MXRA5: variants seen among roughly 807,000 people sequenced by gnomAD.
The protein encoded by MXRA5 is matrix remodeling associated 5.
MXRA5 carries 41 observed loss-of-function variants against 112.5 expected under a neutral mutation model. The ratio of observed to expected loss-of-function variants is 0.36; its 90% CI spans 0.28 to 0.47. The LOEUF (loss-of-function observed/expected upper bound fraction) is 0.47, where lower values mean the gene tolerates loss of function less well. Ranked by LOEUF, MXRA5 falls within the 20% of genes least tolerant of loss-of-function variation. MXRA5 has a pLI of 0.99. For missense variants in MXRA5, 2,150 were observed against 2,251.0 expected (o/e 0.96, Z 0.91); for synonymous variants, 862 against 900.8 (o/e 0.96, Z 0.77).
At chrX:3,334,933 C>T (rs139344342) in intron 2 of MXRA5, among the ~76,000 whole-genome samples, 1,765 of 111,299 alleles carry the variant, frequency 0.016, 41 homozygotes, top group African/African-American at 0.055. Context: ...TATTGATAGC[C>T]TCTCCCGCCT....
At chrX:3,337,378 C>T (rs780452249) in intron 2 of MXRA5, among the ~76,000 whole-genome samples, 1 of 111,818 alleles carries the variant, frequency 8.9e-6, no homozygotes, top group Non-Finnish European at 1.9e-5. Context: ...ACGATGGCCC[C>T]TACAACCCAC....
At chrX:3,325,988 AT>A (rs1161069170) in intron 4 of MXRA5, among the ~76,000 whole-genome samples, 37 of 66,816 alleles carry the variant, frequency 5.5e-4, no homozygotes, top group Admixed American at 2.4e-3. Context: ...ATAATATATA[AT>A]TTATATATTA....
intron 2 of MXRA5, among the ~76,000 whole-genome samples, chrX:3,338,173 T>C (rs1433789877): frequency 9.0e-6 from 1 of 111,199 alleles, no homozygotes; most frequent in Non-Finnish European, 1.9e-5. Flanking sequence ...TGAGGCTCTG[T>C]CTCTGAAATG....
In MXRA5 at chrX:3,322,444, T is replaced by C. The variant is rs777409182; in HGVS notation, c.3241A>G (p.Arg1081Gly). ...TCTTGGCCCTCACTCTCAGAACTTC[T>C]GGAGTGTGTGGGGTCTCCCTCTAGC... ...NMLEGDPTHS[R>G]SSESEGQESK... is the part of the protein sequence containing the mutation. Residue 1081 changes from arginine to glycine, a missense_variant, in exon 5 of 7, where the codon AGA becomes GGA. Coordinates refer to ENST00000217939, the MANE Select transcript of MXRA5 (RefSeq NM_015419.4). The C allele has an allele frequency of 2.5e-6, 3 of 1,211,588 alleles. No individual in the cohort carries two copies. Among genetic ancestry groups the C allele is most frequent in the Non-Finnish European group, 3.4e-6 (3 of 895,361 alleles).
chrX:3,321,293 A>T lies in MXRA5; in HGVS notation c.4392T>A (p.His1464Gln). The change falls in exon 5 of 7, where the codon CAT becomes CAA. Residue 1464 changes from histidine to glutamine, a missense_variant. Transcript: ENST00000217939. ...QAETTTLDQD[H>Q]LETTVAILLS... Reference sequence around the variant, plus strand: ...GGAGAATAGCCACAGTGGTTTCAAGATGATCTTGATCAAGGGTGGTGGTTT... The same window carrying T: ...GGAGAATAGCCACAGTGGTTTCAAGTTGATCTTGATCAAGGGTGGTGGTTT... The T allele has an allele frequency of 8.3e-7, 1 of 1,211,514 alleles. No individual in the cohort carries two copies. Among genetic ancestry groups the T allele is most frequent in the Middle Eastern group, 2.3e-4 (1 of 4,336 alleles).
rs150505334 is a variant in MXRA5, at chrX:3,344,956, TACAA to T, written c.-28-1099_-28-1096del. On this transcript the variant is annotated intron_variant, in intron 1 of 6. Transcript: ENST00000217939. ...GGAAAAACCCCGTCTCTACTAAAAA[TACAA>T]ACAAACAAACAAACAAAACAAAATT... Among the ~76,000 whole-genome samples, 24 of 108,782 alleles carry T rather than the reference TACAA, an allele frequency of 2.2e-4. 1 individual carries two copies. In the South Asian group the frequency reaches 2.4e-3, roughly 11 times the overall value. The allele number at this position is 108,782 out of a possible 115,157, so 94.5% of individuals were successfully genotyped here.
intron 4 of MXRA5, among the ~76,000 whole-genome samples, chrX:3,326,561 C>T (rs1435958247): frequency 7.6e-5 from 8 of 105,872 alleles, no homozygotes; most frequent in South Asian, 4.1e-4. Context: ...ATAATCAATA[C>T]GTATGTATCT....
intron 6 of MXRA5, among the ~76,000 whole-genome samples, chrX:3,312,521 T>C (rs1019683250): frequency 7.2e-5 from 8 of 110,833 alleles, no homozygotes; most frequent in African/African-American, 2.6e-4. Flanking sequence ...ACACATACAT[T>C]ATAATGGGAG....
chrX:3,314,612 G>C (rs1170425994), intron 6 of MXRA5, among the ~76,000 whole-genome samples: 1 of 111,241 alleles, frequency 9.0e-6, no homozygotes, highest in Non-Finnish European at 1.9e-5. Context: ...GGATAAGCAG[G>C]TATATAGATA....
In MXRA5 at chrX:3,310,206, T is replaced by C; in HGVS notation, c.7997A>G (p.Gln2666Arg). Residue 2666 changes from glutamine to arginine, a missense_variant, in exon 7 of 7, where the codon CAG (glutamine) becomes CGG (arginine). Coordinates refer to ENST00000217939, the MANE Select transcript of MXRA5 (RefSeq NM_015419.4). ...GGGGAGCGTCCAGGAGAAACGTCCC[T>C]GCCCAGCCCCGGGAGGGGTGCAGGG... ...KLPCTPPGAG[Q>R]GRFSWTLPNG... 5.0e-6 allele frequency: 6 copies of C among 1,211,836 alleles called. No homozygotes were observed. Among genetic ancestry groups the C allele is most frequent in the Non-Finnish European group, 4.5e-6 (4 of 895,459 alleles).
chrX:3,310,924 C>T lies in MXRA5; in HGVS notation c.7279G>A (p.Asp2427Asn), dbSNP rs1383010774. The change falls in exon 7 of 7, where the codon GAT (aspartate) becomes AAT (asparagine). Residue 2427 changes from aspartate (D) to asparagine (N), a missense_variant. Around this residue, in one of 6 missense-constraint regions of MXRA5, gnomAD observed 1,485 missense variants for 1,471.6 expected, o/e 1.01. Coordinates refer to ENST00000217939, the MANE Select transcript of MXRA5 (RefSeq NM_015419.4). ...TCLVRNSAGE[D>N]RKTVWIHVNV... ...ACGTGAATCCACACCGTCTTCCTAT[C>T]CTCTCCCGCGCTGTTCCTGACCAAG... 8.3e-7 allele frequency: 1 copy of T among 1,211,498 alleles called. No homozygotes were observed. Among genetic ancestry groups the T allele is most frequent in the South Asian group, 1.8e-5 (1 of 56,938 alleles).
chrX:3,324,774 C>T lies in MXRA5; in HGVS notation c.911G>A (p.Ser304Asn), dbSNP rs1234078897. 3 of 1,209,924 alleles carry T rather than the reference C, an allele frequency of 2.5e-6. No homozygotes were observed. The change falls in exon 5 of 7, where the codon AGC becomes AAC. Residue 304 changes from serine to asparagine, a missense_variant. This residue lies in a region of MXRA5 where 386 missense variants were observed against 411.0 expected (regional missense o/e 0.94). Transcript: ENST00000217939. Reference protein sequence around the residue: ...EEQEQEEDGGSQLILEKFQLP... With the variant: ...EEQEQEEDGGNQLILEKFQLP... ...TTGGAATTTCTCCAGGATGAGCTGGCTGCCACCATCCTCTTCCTGTTCTTG... is the reference window on the plus strand; with the variant it reads ...TTGGAATTTCTCCAGGATGAGCTGGTTGCCACCATCCTCTTCCTGTTCTTG...
chrX:3,314,625 C>T (rs1380414559), intron 6 of MXRA5, among the ~76,000 whole-genome samples: 1 of 110,430 alleles, frequency 9.1e-6, no homozygotes, highest in Non-Finnish European at 1.9e-5. Context: ...TATAGATAGA[C>T]CAACATTTTC....
In MXRA5 at chrX:3,323,352, A is replaced by T; in HGVS notation, c.2333T>A (p.Ile778Asn). ...RRRINMANKQ[I>N]NPERWADILA... ...AATATCAGCCCAGCGCTCCGGATTA[A>T]TCTGTTTGTTTGCCATGTTTATCCT... The change falls in exon 5 of 7, where the codon ATT (isoleucine) becomes AAT (asparagine). Residue 778 changes from isoleucine (I) to asparagine (N), a missense_variant. Physicochemically the swap from Ile to Asn is moderately radical, Grantham distance 149. Coordinates refer to ENST00000217939, the MANE Select transcript of MXRA5 (RefSeq NM_015419.4). 8.3e-7 allele frequency: 1 copy of T among 1,211,572 alleles called. No individual in the cohort carries two copies. Among genetic ancestry groups the T allele is most frequent in the Non-Finnish European group, 1.1e-6 (1 of 895,455 alleles).
At chrX:3,332,636 A>G (rs1824596230) in intron 2 of MXRA5, among the ~76,000 whole-genome samples, 1 of 112,581 alleles carries the variant, frequency 8.9e-6, no homozygotes, top group Admixed American at 9.4e-5. Flanking sequence ...TATAGATTCA[A>G]TATGGTGTAT....
chrX:3,346,567 G>A lies in MXRA5; in HGVS notation c.-81C>T. The A allele has an allele frequency of 4.0e-6, 3 of 754,717 alleles. No homozygotes were observed. The highest frequency in any genetic ancestry group is 6.7e-5 in the South Asian group (1 of 14,863). The allele number at this position is 754,717 out of a possible 1,213,427, so 62.2% of individuals were successfully genotyped here. On this transcript the variant is annotated 5_prime_UTR_variant, in exon 1 of 7. Transcript: ENST00000217939. The stretch of plus-strand genomic sequence containing the variant: ...GAGCGGTGCGCCGGGAGCATCCACC[G>A]AGCCGGGGCGCGCGAGTCACGGCCG...
chrX:3,320,077 C>T lies in MXRA5; in HGVS notation c.5608G>A (p.Asp1870Asn), dbSNP rs755843518. ...PQTVSVTAET[D>N]TVFPCEATGK... ...GTTGCCTCACAGGGGAACACAGTGT[C>T]TGTCTCAGCGGTGACGGACACAGTC... Residue 1870 changes from aspartate to asparagine, a missense_variant, in exon 5 of 7, where the codon GAC becomes AAC. By Grantham distance (23) the Asp-to-Asn change is conservative (BLOSUM62 1). This residue lies in a region of MXRA5 where 1,485 missense variants were observed against 1,471.6 expected (regional missense o/e 1.01). Coordinates refer to ENST00000217939, the MANE Select transcript of MXRA5 (RefSeq NM_015419.4). 2 of 1,211,485 alleles carry T rather than the reference C, an allele frequency of 1.7e-6. No individual in the cohort carries two copies. Among genetic ancestry groups the T allele is most frequent in the South Asian group, 1.8e-5 (1 of 56,907 alleles).
chrX:3,322,296 G>A lies in MXRA5; in HGVS notation c.3389C>T (p.Thr1130Ile). ...CGGAGCAACTTTTTGCCTTGGTGTT[G>A]TTGTTGCTGTTGTGGTGTCTTTGTC... ...LLDKDTTTATTTPRQKVAPSS... is the reference protein window; with the variant it reads ...LLDKDTTTATITPRQKVAPSS... Residue 1130 changes from threonine (T) to isoleucine (I), a missense_variant, in exon 5 of 7, where the codon ACA becomes ATA. Thr to Ile is a moderately conservative substitution (Grantham distance 89). Transcript: ENST00000217939. 1 of 1,209,519 alleles carries A rather than the reference G, an allele frequency of 8.3e-7. No homozygotes were observed. The highest frequency in any genetic ancestry group is 1.1e-6 in the Non-Finnish European group (1 of 894,407).
chrX:3,326,125 TTA>T (rs1414606370), intron 4 of MXRA5, among the ~76,000 whole-genome samples: 6 of 24,232 alleles, frequency 2.5e-4, no homozygotes, highest in Non-Finnish European at 3.6e-4. Flanking sequence ...TTATATATAT[TTA>T]TATATATAAA....
Sources: allele counts gnomAD v4.1 joint callset (sites outside exome capture counted in the v4.1 genomes callset), GRCh38; gene constraint gnomAD v4.1.1; regional missense constraint gnomAD v4.1.1; transcripts MANE v1.5; gene names NCBI Gene and HGNC (gene_info 2026-07-23, HGNC 2026-07-21).